Variants in ZNF699 observed in about 807,000 individuals in gnomAD.
The protein encoded by ZNF699 is zinc finger protein 699.
In ZNF699, 18 loss-of-function variants were observed where a neutral mutation model predicts 22.5. The observed-to-expected ratio is 0.80, with a 90% CI of 0.55 to 1.19. ZNF699 has a LOEUF of 1.19. ZNF699 is among the 50% of genes most tolerant of loss of function. The pLI is 0.00. For missense variants in ZNF699, 670 were observed against 763.4 expected (o/e 0.88, Z 1.44); for synonymous variants, 241 against 262.3 (o/e 0.92, Z 0.78).
rs750812415 is a variant in ZNF699, at chr19:9,297,888, T to G, written c.278A>C (p.His93Pro). Residue 93 changes from histidine to proline, a missense_variant, in exon 4 of 6, where the codon CAC (histidine) becomes CCC (proline). Physicochemically the swap from His to Pro is moderately conservative, Grantham distance 77 (BLOSUM62 -2). Coordinates refer to ENST00000591998, the MANE Select transcript of ZNF699 (RefSeq NM_198535.3). This position sits in a 1 kb window ranked among gnomAD's most constrained non-coding sequence, Gnocchi z 4.3. ...CTCCCAAGGGTTCTTGCCTTCCCGGTGCTCTCCCATAAAGATGCCCTGGAT... is the reference window on the plus strand; with the variant it reads ...CTCCCAAGGGTTCTTGCCTTCCCGGGGCTCTCCCATAAAGATGCCCTGGAT... ...ELIQGIFMGE[H>P]REGFETQLKT... 3.1e-6 allele frequency: 5 copies of G among 1,613,048 alleles called. No homozygotes were observed. Among genetic ancestry groups the G allele is most frequent in the Non-Finnish European group, 4.2e-6 (5 of 1,179,230 alleles).
intron 3 of ZNF699, among the ~76,000 whole-genome samples, chr19:9,300,572 G>A (rs563836068): frequency 2.0e-5 from 3 of 152,302 alleles, no homozygotes; most frequent in East Asian, 1.9e-4. Flanking sequence ...TGGATAAACC[G>A]TGGTACATCC....
rs776039182 is a variant in ZNF699 at position 9,291,962 on chromosome 19, A to G, written c.*3513T>C. 1.9e-4 allele frequency among the ~76,000 whole-genome samples: 29 copies of G among 152,126 alleles called. No homozygotes were observed. The highest frequency in any genetic ancestry group is 3.5e-4 in the Non-Finnish European group (24 of 68,024). ...GGTGATCCGCCCACCTCGGCCTCCC[A>G]AAGTGCTGGGATTATAGGCATGAGC... On this transcript the variant is annotated 3_prime_UTR_variant, in exon 6 of 6. Transcript: ENST00000591998.
In ZNF699 at chr19:9,295,630, A is replaced by G; in HGVS notation, c.1774T>C (p.Cys592Arg). 1 of 1,614,134 alleles carries G rather than the reference A, an allele frequency of 6.2e-7. No individual in the cohort carries two copies. The highest frequency in any genetic ancestry group is 8.5e-7 in the Non-Finnish European group (1 of 1,180,014). Residue 592 changes from cysteine to arginine, a missense_variant, in exon 6 of 6, where the codon TGT (cysteine) becomes CGT (arginine). By Grantham distance (180) the Cys-to-Arg change is radical. Coordinates refer to ENST00000591998, the MANE Select transcript of ZNF699 (RefSeq NM_198535.3). Reference protein sequence around the residue: ...TGEKPFECLECGKAFSCPSSF... With the variant: ...TGEKPFECLERGKAFSCPSSF... Reference sequence around the variant, plus strand: ...GAGGGACAACTGAAAGCTTTTCCACATTCCAGACATTCAAAGGGTTTCTCT... The same window carrying G: ...GAGGGACAACTGAAAGCTTTTCCACGTTCCAGACATTCAAAGGGTTTCTCT...
chr19:9,308,147 TTTTAA>T (rs2066334337), intron 1 of ZNF699, among the ~76,000 whole-genome samples: 1 of 152,106 alleles, frequency 6.6e-6, no homozygotes, highest in Admixed American at 6.6e-5. Context: ...TAAAAAAATT[TTTTAA>T]TTTAATTTAT....
chr19:9,292,453 T>C lies in ZNF699; in HGVS notation c.*3022A>G, dbSNP rs772934312. 2.0e-5 allele frequency among the ~76,000 whole-genome samples: 3 copies of C among 152,146 alleles called. No individual in the cohort carries two copies. Among genetic ancestry groups the C allele is most frequent in the Non-Finnish European group, 4.4e-5 (3 of 68,018 alleles). ...TTGGGAAGAAAGTAGCCAGAGTTTC[T>C]GGGGCCATCTATGAAGAGACAACCT... On this transcript the variant is annotated 3_prime_UTR_variant, in exon 6 of 6. Coordinates refer to ENST00000591998, the MANE Select transcript of ZNF699 (RefSeq NM_198535.3).
At position 9,292,414 on chromosome 19, in the gene ZNF699, C is replaced by T. The variant is rs2066268500; in HGVS notation, c.*3061G>A. Among the ~76,000 whole-genome samples, 1 of 152,100 alleles carries T rather than the reference C, an allele frequency of 6.6e-6. No homozygotes were observed. The highest frequency in any genetic ancestry group is 2.4e-5 in the African/African-American group (1 of 41,402). Reference sequence around the variant, plus strand: ...TCAAAAAGACAATCACTCTTTTCTCCCTGAGACTTTAAGTTGGGAAGAAAG... The same window carrying T: ...TCAAAAAGACAATCACTCTTTTCTCTCTGAGACTTTAAGTTGGGAAGAAAG... On this transcript the variant is annotated 3_prime_UTR_variant, in exon 6 of 6. Transcript: ENST00000591998.
chr19:9,297,014 A>G lies in ZNF699; in HGVS notation c.471-81T>C. On this transcript the variant is annotated intron_variant, in intron 5 of 5. Coordinates refer to ENST00000591998, the MANE Select transcript of ZNF699 (RefSeq NM_198535.3). This position sits in a 1 kb window ranked among gnomAD's most constrained non-coding sequence, Gnocchi z 4.3. ...TGTATATGTTTTCTGCCCTTCTGTC[A>G]AGTTTAAGCTGAAAGTTTTCACAGA... The G allele has an allele frequency of 8.0e-7, 1 of 1,254,884 alleles. No individual in the cohort carries two copies. Among genetic ancestry groups the G allele is most frequent in the South Asian group, 1.6e-5 (1 of 62,094 alleles). The allele number at this position is 1,254,884 out of a possible 1,614,324, so 77.7% of individuals were successfully genotyped here.
At chr19:9,304,996 G>C in intron 2 of ZNF699, 76 bp downstream of exon 2, 1 of 1,176,878 alleles carries the variant, frequency 8.5e-7, no homozygotes, top group East Asian at 2.4e-5. Flanking sequence ...GAGATTGCTG[G>C]CTTGTGCCCT....
intron 1 of ZNF699, among the ~76,000 whole-genome samples, chr19:9,307,070 G>A (rs562835988): frequency 2.0e-5 from 3 of 152,234 alleles, no homozygotes; most frequent in South Asian, 2.1e-4. Context: ...GCATGGTGGC[G>A]CACAGCTGTA....
rs745645570 is a variant in ZNF699, at chr19:9,302,514, A to T, written c.49-10T>A. 1.1e-5 allele frequency: 18 copies of T among 1,600,812 alleles called. No individual in the cohort carries two copies. Among genetic ancestry groups the T allele is most frequent in the Non-Finnish European group, 1.4e-5 (16 of 1,173,532 alleles). ...CAAAGACTACTGAGTCCTAAAACAT[A>T]CCACAAATTCTGTTCAGAAAGGTAC... On this transcript the variant is annotated splice_polypyrimidine_tract_variant and intron_variant, in intron 2 of 5. Transcript: ENST00000591998.
intron 1 of ZNF699, among the ~76,000 whole-genome samples, chr19:9,308,609 G>A (rs755467301): frequency 6.6e-6 from 1 of 152,050 alleles, no homozygotes; most frequent in Non-Finnish European, 1.5e-5. Flanking sequence ...GCAACAGAGC[G>A]AGACTCCTAT....
Position 9,302,487 on chromosome 19 carries a change from C to T in ZNF699, c.66G>A (p.Glu22=). 1 of 1,613,062 alleles carries T rather than the reference C, an allele frequency of 6.2e-7. No individual in the cohort carries two copies. Among genetic ancestry groups the T allele is most frequent in the Non-Finnish European group, 8.5e-7 (1 of 1,179,432 alleles). ...KNRIQDSVVF[E]DVAVDFTQEE... ...CCTGGGTAAAGTCCACAGCCACATCCTCAAAGACTACTGAGTCCTAAAACA... is the reference window on the plus strand; with the variant it reads ...CCTGGGTAAAGTCCACAGCCACATCTTCAAAGACTACTGAGTCCTAAAACA... Residue 22 remains glutamate, a synonymous_variant, in exon 3 of 6, where the codon GAG becomes GAA. Coordinates refer to ENST00000591998, the MANE Select transcript of ZNF699 (RefSeq NM_198535.3).
At position 9,297,947 on chromosome 19, in the gene ZNF699, T is replaced by C; in HGVS notation, c.219A>G (p.Gln73=). ...TCTTCACTGTCTGCAGGTCCTCCTC[T>C]TGTTCCCACTGGGAGATCAGATGGG... ...HTPHLISQWE[Q]EEDLQTVKRE... The change falls in exon 4 of 6, where the codon CAA becomes CAG. Residue 73 remains glutamine, a synonymous_variant. Transcript: ENST00000591998. The surrounding 1 kb of genome is among the most constrained non-coding windows in gnomAD (Gnocchi z 4.3). 6.2e-7 allele frequency: 1 copy of C among 1,613,656 alleles called. No homozygotes were observed. Among genetic ancestry groups the C allele is most frequent in the Non-Finnish European group, 8.5e-7 (1 of 1,179,966 alleles).
At chr19:9,306,758 T>C (rs1055069121) in intron 1 of ZNF699, among the ~76,000 whole-genome samples, 1 of 152,194 alleles carries the variant, frequency 6.6e-6, no homozygotes, top group African/African-American at 2.4e-5. Flanking sequence ...TGCAGGCCTA[T>C]TTGTCTTCAA....
chr19:9,297,480 C>A lies in ZNF699; in HGVS notation c.287-1G>T. 1.3e-6 allele frequency: 2 copies of A among 1,550,430 alleles called. No individual in the cohort carries two copies. Among genetic ancestry groups the A allele is most frequent in the Non-Finnish European group, 1.7e-6 (2 of 1,158,952 alleles). On this transcript the variant is annotated splice_acceptor_variant, in intron 4 of 5. Coordinates refer to ENST00000591998, the MANE Select transcript of ZNF699 (RefSeq NM_198535.3). LOFTEE classifies it high-confidence loss of function. The surrounding 1 kb of genome is among the most constrained non-coding windows in gnomAD (Gnocchi z 4.3). The stretch of plus-strand genomic sequence containing the variant: ...TTAGTTTTAAGTTGAGTCTCAAAAC[C>A]TGAAACGAAAAAAAGTGAAAGCTTC...
Position 9,297,348 on chromosome 19 carries a change from G to A in ZNF699, c.418C>T (p.Gln140Ter). The A allele has an allele frequency of 6.2e-7, 1 of 1,603,426 alleles. No homozygotes were observed. The highest frequency in any genetic ancestry group is 8.5e-7 in the Non-Finnish European group (1 of 1,178,198). Residue 140 changes from glutamine to a stop codon, truncating the protein, a stop_gained, in exon 5 of 6, where the codon CAG becomes TAG. Transcript: ENST00000591998. LOFTEE classifies it high-confidence loss of function. The surrounding 1 kb of genome is among the most constrained non-coding windows in gnomAD (Gnocchi z 4.3). ...TGATAATCAATACCACAGGACTCCT[G>A]GTTTTCATGTAAACTGGAGAACCAG... ...DSWFSSLHEN[Q>*]ESCGIDYQNK...
intron 2 of ZNF699, among the ~76,000 whole-genome samples, chr19:9,304,408 T>C (rs1349776722): frequency 6.7e-6 from 1 of 149,712 alleles, no homozygotes; most frequent in East Asian, 2.0e-4. Flanking sequence ...CTCACAAAAC[T>C]GAGAGGCCCA....
chr19:9,295,764 C>G lies in ZNF699; in HGVS notation c.1640G>C (p.Arg547Thr), dbSNP rs750683462. 4 of 1,613,296 alleles carry G rather than the reference C, an allele frequency of 2.5e-6. No individual in the cohort carries two copies. The South Asian group carries it at 3.3e-5, about 13-fold the overall frequency. ...GKAFIYPSAL[R>T]IHMRTHTGEK... Reference sequence around the variant, plus strand: ...CCCAGTGTGCGTTCTCATGTGGATCCTAAGGGCTGAGGGATAAATAAAGGC... The same window carrying G: ...CCCAGTGTGCGTTCTCATGTGGATCGTAAGGGCTGAGGGATAAATAAAGGC... Residue 547 changes from arginine (R) to threonine (T), a missense_variant, in exon 6 of 6, where the codon AGG becomes ACG. Physicochemically the swap from Arg to Thr is moderately conservative, Grantham distance 71. Coordinates refer to ENST00000591998, the MANE Select transcript of ZNF699 (RefSeq NM_198535.3).
At chr19:9,302,654 A>ATC (rs1054115671) in intron 2 of ZNF699, 150 bp from the exon 3 acceptor site, 1 of 694,852 alleles carries the variant, frequency 1.4e-6, no homozygotes, top group South Asian at 2.2e-5. Flanking sequence ...CAGTCAACAA[A>ATC]TCTCTCTCTC....
Sources: allele counts gnomAD v4.1 joint callset (sites outside exome capture counted in the v4.1 genomes callset), GRCh38; gene constraint gnomAD v4.1.1; non-coding constraint Gnocchi (gnomAD v3.1); transcripts MANE v1.5; gene names NCBI Gene and HGNC (gene_info 2026-07-23, HGNC 2026-07-21).